Variants in ZFAT observed in about 807,000 individuals in gnomAD.
ZFAT encodes zinc finger protein ZFAT.
ZFAT carries 64 observed loss-of-function variants against 117.7 expected under a neutral mutation model. The observed-to-expected ratio is 0.54, with a 90% CI of 0.44 to 0.67. The LOEUF is 0.67. Among genes scored for constraint, ZFAT ranks in the 30% least tolerant of loss-of-function variants. ZFAT has a pLI of 0.00. For synonymous variants in ZFAT, 679 were observed against 615.0 expected, an observed-to-expected ratio of 1.10 and a Z score of -1.54; for missense variants, 1,433 against 1,584.5, an observed-to-expected ratio of 0.90 and a Z score of 1.62.
At chr8:134,781,104 CT>C in the ZFAT span, among the ~76,000 whole-genome samples, 14 of 152,028 alleles carry the variant, frequency 9.2e-5, no homozygotes, top group African/African-American at 2.4e-4. Context: ...TATCATTAAA[CT>C]TTATATACTA....
At chr8:134,489,615 C>T (rs915006841) in intron 15 of ZFAT, among the ~76,000 whole-genome samples, 5 of 152,164 alleles carry the variant, frequency 3.3e-5, no homozygotes, top group African/African-American at 1.2e-4. Context: ...CTCTAAGTGG[C>T]ATAGGGCCCC....
intron 10 of ZFAT, among the ~76,000 whole-genome samples, chr8:134,572,851 T>C (rs1281591153): frequency 6.6e-6 from 1 of 151,130 alleles, no homozygotes; most frequent in East Asian, 1.9e-4. Flanking sequence ...TGGTCAGAAA[T>C]TGCAGAATTT....
chr8:134,525,557 G>A (rs544489017), intron 12 of ZFAT, among the ~76,000 whole-genome samples: 22 of 152,298 alleles, frequency 1.4e-4, no homozygotes, highest in Non-Finnish European at 2.2e-4. Flanking sequence ...GTTTTGATGC[G>A]CTCAATCTCC....
At chr8:134,488,407 C>T (rs4909618) in intron 15 of ZFAT, among the ~76,000 whole-genome samples, 27,177 of 152,112 alleles carry the variant, frequency 0.18, 2,570 homozygotes, top group Admixed American at 0.27. Flanking sequence ...GAGTTAGGAA[C>T]GTGAAGTTAC....
At chr8:134,790,097 C>G in the ZFAT span, among the ~76,000 whole-genome samples, 1 of 152,224 alleles carries the variant, frequency 6.6e-6, no homozygotes, top group East Asian at 1.9e-4. Flanking sequence ...TAGTGACCTG[C>G]TAAAGTAATT....
chr8:134,636,458 T>G (rs1830217346), intron 3 of ZFAT, among the ~76,000 whole-genome samples: 1 of 152,202 alleles, frequency 6.6e-6, no homozygotes, highest in Non-Finnish European at 1.5e-5. Context: ...TACTTAATTG[T>G]CAAAGCAACC....
At chr8:134,831,869 C>T in the ZFAT span, among the ~76,000 whole-genome samples, 2 of 152,060 alleles carry the variant, frequency 1.3e-5, no homozygotes, top group Non-Finnish European at 2.9e-5. Flanking sequence ...ACGACGCCCC[C>T]CAGAGGCCGT....
intron 2 of ZFAT, among the ~76,000 whole-genome samples, chr8:134,649,259 C>A (rs1239682302): frequency 1.3e-5 from 2 of 150,136 alleles, no homozygotes; most frequent in Non-Finnish European, 1.5e-5. Context: ...AGTATCAGAA[C>A]AAGAATGTCC....
rs371260223 is a variant in ZFAT at position 134,608,524 on chromosome 8, C to T, written c.785+205G>A. Among the ~76,000 whole-genome samples the T allele has an allele frequency of 1.6e-3, 246 of 152,326 alleles. 1 individual carries two copies. The highest frequency in any genetic ancestry group is 5.5e-3 in the African/African-American group (228 of 41,564). The stretch of plus-strand genomic sequence containing the variant: ...GGTGCTCAGTTCTAAAAACATGCTA[C>T]TCTGCAACACACTGGAGGCTCAGCG... On this transcript the variant is annotated intron_variant, in intron 5 of 15. Coordinates refer to ENST00000377838, the MANE Select transcript of ZFAT (RefSeq NM_020863.4).
At chr8:134,586,504 T>C (rs1306067723) in intron 9 of ZFAT, among the ~76,000 whole-genome samples, 1 of 152,224 alleles carries the variant, frequency 6.6e-6, no homozygotes, top group Admixed American at 6.5e-5. Flanking sequence ...CTTCTTCTCA[T>C]GTGAGTACAA....
At chr8:134,773,161 T>C in the ZFAT span, among the ~76,000 whole-genome samples, 1 of 151,774 alleles carries the variant, frequency 6.6e-6, no homozygotes, top group Non-Finnish European at 1.5e-5. Context: ...GAGTCTCTCA[T>C]TAGGGACTAA....
chr8:134,784,564 G>C, the ZFAT span: 1 of 151,962 alleles, frequency 6.6e-6, no homozygotes, highest in Non-Finnish European at 1.5e-5. Context: ...TTTAAGCAAA[G>C]ATCTCAAGAA....
At chr8:134,683,357 T>C (rs1009588601) in intron 1 of ZFAT, among the ~76,000 whole-genome samples, 3 of 152,126 alleles carry the variant, frequency 2.0e-5, no homozygotes, top group Non-Finnish European at 4.4e-5. Flanking sequence ...ACTTGATGAA[T>C]CGCAAGGAGC....
chr8:134,542,410 T>C (rs78121649), intron 11 of ZFAT, among the ~76,000 whole-genome samples: 1,885 of 152,308 alleles, frequency 0.012, 34 homozygotes, highest in African/African-American at 0.043. Flanking sequence ...ACCGGGTAAT[T>C]AGCATAATAC....
At chr8:134,492,516 T>A (rs916917228) in intron 15 of ZFAT, among the ~76,000 whole-genome samples, 2 of 152,192 alleles carry the variant, frequency 1.3e-5, no homozygotes, top group African/African-American at 4.8e-5. Context: ...AATATTCCCC[T>A]GTGTGTGTTT....
At chr8:134,634,838 G>A (rs1830108075) in intron 3 of ZFAT, among the ~76,000 whole-genome samples, 1 of 152,190 alleles carries the variant, frequency 6.6e-6, no homozygotes, top group Non-Finnish European at 1.5e-5. Context: ...TTTTAGAGCA[G>A]CAGTCCCCAA....
chr8:134,737,673 C>T, the ZFAT span, among the ~76,000 whole-genome samples: 2 of 152,146 alleles, frequency 1.3e-5, no homozygotes, highest in Admixed American at 6.5e-5. Context: ...TACCCTGACT[C>T]GGATAGTGAG....
intron 15 of ZFAT, among the ~76,000 whole-genome samples, chr8:134,496,932 G>C (rs1218153186): frequency 6.6e-6 from 1 of 152,230 alleles, no homozygotes; most frequent in Non-Finnish European, 1.5e-5. Context: ...GCTGACCACC[G>C]GGTCTAACCT....
the ZFAT span, among the ~76,000 whole-genome samples, chr8:134,832,034 C>T: frequency 3.3e-5 from 5 of 149,906 alleles, no homozygotes; most frequent in African/African-American, 4.9e-5. Flanking sequence ...CCGCGGCCCC[C>T]ACCCTCCCGC....
Sources: gnomAD v4.1 joint callset for allele counts (sites outside exome capture counted in the v4.1 genomes callset) on GRCh38, gnomAD v4.1.1 for gene constraint, MANE v1.5 for transcripts, NCBI Gene and HGNC (gene_info 2026-07-23, HGNC 2026-07-21) for gene names.